The following UGGT1 variants were observed in gnomAD, a reference collection of about 807,000 sequenced individuals.
UGGT1 encodes the protein UDP-glucose glycoprotein glucosyltransferase 1.
Under a neutral mutation model 203.9 loss-of-function variants are expected in UGGT1, and 107 were observed. The ratio of observed to expected loss-of-function variants is 0.52; its 90% CI spans 0.45 to 0.62. The LOEUF is 0.62. Among genes scored for constraint, UGGT1 ranks in the 20% least tolerant of loss-of-function variants. UGGT1 has a pLI of 0.00. For missense variants in UGGT1, 1,673 were observed against 1,867.2 expected, an observed-to-expected ratio of 0.90 and a Z score of 1.92; for synonymous variants, 628 against 653.5, an observed-to-expected ratio of 0.96 and a Z score of 0.59.
chr2:128,145,268 A>G (rs1376155449), intron 17 of UGGT1, among the ~76,000 whole-genome samples: 1 of 152,182 alleles, frequency 6.6e-6, no homozygotes, highest in Admixed American at 6.6e-5. Context: ...TCATTTTGGC[A>G]GCCCATGGTC....
chr2:128,155,700 C>T (rs1271190375), intron 20 of UGGT1, 113 bp downstream of exon 20: 2 of 729,796 alleles, frequency 2.7e-6, no homozygotes, highest in Non-Finnish European at 4.3e-6. Context: ...CATAATTTTT[C>T]TTATTTCTTA....
chr2:128,155,677 G>T, intron 20 of UGGT1, 90 bp downstream of exon 20: 2 of 967,824 alleles, frequency 2.1e-6, no homozygotes, highest in South Asian at 1.6e-5. Flanking sequence ...AGAGAGAAAA[G>T]GGAAAGAGAC....
At position 128,193,205 on chromosome 2, in the gene UGGT1, TAAAAC is replaced by T. The variant is rs1371119613; in HGVS notation, c.*3465_*3469del. On this transcript the variant is annotated 3_prime_UTR_variant, in exon 41 of 41. Coordinates refer to ENST00000259253, the MANE Select transcript of UGGT1 (RefSeq NM_020120.4). ...AAAAAAAAAAAAAAAAAAAAAAAAT[TAAAAC>T]AGTTTCCATAAATGGAGCTTAATTT... is the stretch of plus-strand genomic sequence containing the variant. The T allele has an allele frequency of 7.5e-6, 1 of 133,012 alleles. No homozygotes were observed. Among genetic ancestry groups the T allele is most frequent in the Non-Finnish European group, 1.6e-5 (1 of 61,916 alleles). The allele number at this position is 133,012 out of a possible 1,614,324, so 8.2% of individuals were successfully genotyped here. A position where few individuals can be genotyped will look rare whatever the true frequency, so the allele number is the denominator to read the frequency against.
intron 14 of UGGT1, 58 bp downstream of exon 14, chr2:128,133,318 T>A (rs1305213032): frequency 1.3e-6 from 2 of 1,592,596 alleles, no homozygotes; most frequent in Admixed American, 3.4e-5. Flanking sequence ...TAGTCCCTCT[T>A]TTTTTGTCAT....
chr2:128,145,571 T>G, intron 17 of UGGT1: 1 of 430,476 alleles, frequency 2.3e-6, no homozygotes, highest in Non-Finnish European at 4.1e-6. Context: ...TTTGCAAGCT[T>G]TTGTGGTCTT....
chr2:128,164,158 TCAAA>T (rs909527083), intron 25 of UGGT1, among the ~76,000 whole-genome samples: 163 of 152,208 alleles, frequency 1.1e-3, no homozygotes, highest in Middle Eastern at 3.4e-3. Context: ...AGACCCTGAC[TCAAA>T]CAAACAAACA....
intron 10 of UGGT1, among the ~76,000 whole-genome samples, chr2:128,122,983 A>G (rs1688451211): frequency 6.6e-6 from 1 of 152,236 alleles, no homozygotes; most frequent in African/African-American, 2.4e-5. Context: ...TATAGCTGCT[A>G]CATTTCTTTG....
rs190819021 is a variant in UGGT1 at position 128,178,460 on chromosome 2, T to G, written c.3714-8T>G. On this transcript the variant is annotated splice_region_variant and splice_polypyrimidine_tract_variant and intron_variant, in intron 33 of 40. Coordinates refer to ENST00000259253, the MANE Select transcript of UGGT1 (RefSeq NM_020120.4). ...CAAGTGGTCTTTTTTTTACCCTTAT[T>G]GTTATAGGGGCTTTACAGGACAGAA... is the stretch of plus-strand genomic sequence containing the variant. 3.2e-5 allele frequency: 52 copies of G among 1,604,134 alleles called. No individual in the cohort carries two copies. The East Asian group carries it at 1.1e-3, about 33-fold the overall frequency.
At chr2:128,110,704 A>T (rs1687807715) in intron 5 of UGGT1, among the ~76,000 whole-genome samples, 1 of 152,176 alleles carries the variant, frequency 6.6e-6, no homozygotes, top group South Asian at 2.1e-4. Flanking sequence ...ATATACCTTC[A>T]GACTTTTTTC....
In UGGT1 at chr2:128,186,663, ATTTTTT is replaced by A. The variant is rs199986756; in HGVS notation, c.4360-16_4360-11del. On this transcript the variant is annotated splice_polypyrimidine_tract_variant and intron_variant, in intron 38 of 40. Coordinates refer to ENST00000259253, the MANE Select transcript of UGGT1 (RefSeq NM_020120.4). ...CTTTAGATACATGTATTTTATTTTT[ATTTTTT>A]TTTAACCAAACAGGATCTGCCCAAT... The A allele has an allele frequency of 1.9e-5, 29 of 1,524,666 alleles. No individual in the cohort carries two copies. Among genetic ancestry groups the A allele is most frequent in the Non-Finnish European group, 2.6e-5 (29 of 1,116,856 alleles). The allele number at this position is 1,524,666 out of a possible 1,614,324, so 94.4% of individuals were successfully genotyped here.
At chr2:128,098,334 A>G (rs1687208462) in intron 2 of UGGT1, among the ~76,000 whole-genome samples, 1 of 152,228 alleles carries the variant, frequency 6.6e-6, no homozygotes, top group Non-Finnish European at 1.5e-5. Flanking sequence ...TGGGTGGACA[A>G]GGTGGGTGGA....
At chr2:128,116,715 G>A (rs1688120571) in intron 8 of UGGT1, among the ~76,000 whole-genome samples, 2 of 152,034 alleles carry the variant, frequency 1.3e-5, no homozygotes, top group East Asian at 1.9e-4. Context: ...AGCAGAGATG[G>A]TGTTTCGCCA....
intron 36 of UGGT1, among the ~76,000 whole-genome samples, chr2:128,181,653 G>C (rs1025620498): frequency 4.6e-5 from 7 of 152,218 alleles, no homozygotes; most frequent in African/African-American, 1.4e-4. Flanking sequence ...CACTGGGACA[G>C]AGACTTCACT....
chr2:128,115,059 T>C, intron 6 of UGGT1, 65 bp from the exon 7 acceptor site: 1 of 1,414,132 alleles, frequency 7.1e-7, no homozygotes, highest in Middle Eastern at 1.8e-4. Flanking sequence ...AACATGGTCA[T>C]GCCATGTACA....
chr2:128,161,824 T>A (rs1433025166), intron 25 of UGGT1, among the ~76,000 whole-genome samples: 1 of 152,230 alleles, frequency 6.6e-6, no homozygotes, highest in Non-Finnish European at 1.5e-5. Flanking sequence ...ATTGTTTGGA[T>A]GGACCCTGGA....
At position 128,192,230 on chromosome 2, in the gene UGGT1, C is replaced by T. The variant is rs1006059587; in HGVS notation, c.*2488C>T. The T allele has an allele frequency of 2.0e-5, 3 of 150,760 alleles. No homozygotes were observed. Among genetic ancestry groups the T allele is most frequent in the Non-Finnish European group, 2.9e-5 (2 of 67,888 alleles). The allele number at this position is 150,760 out of a possible 1,614,324, so 9.3% of individuals were successfully genotyped here. A position where few individuals can be genotyped will look rare whatever the true frequency, so the allele number is the denominator to read the frequency against. On this transcript the variant is annotated 3_prime_UTR_variant, in exon 41 of 41. Transcript: ENST00000259253. The stretch of plus-strand genomic sequence containing the variant: ...TCTGAATAATGCAAAACCCAGCTTG[C>T]TTCCAGAATGGCCTAGGACCCTCCT...
chr2:128,094,106 A>G (rs938029431), intron 1 of UGGT1, among the ~76,000 whole-genome samples: 2 of 152,142 alleles, frequency 1.3e-5, no homozygotes, highest in Admixed American at 6.5e-5. Context: ...GTGGCGTCCA[A>G]TTCGTCATCA....
Position 128,177,828 on chromosome 2 carries a change from G to T in UGGT1, c.3625-4G>T, listed in dbSNP as rs1405769051. ...GGAGTAAGGTTTATCACATTTGATT[G>T]CAGGTTCAGAAGAAGGCAGATATGG... On this transcript the variant is annotated splice_region_variant and splice_polypyrimidine_tract_variant and intron_variant, in intron 32 of 40. Transcript: ENST00000259253. 1 of 1,595,606 alleles carries T rather than the reference G, an allele frequency of 6.3e-7. No individual in the cohort carries two copies. The highest frequency in any genetic ancestry group is 8.5e-7 in the Non-Finnish European group (1 of 1,171,766).
At position 128,113,112 on chromosome 2, in the gene UGGT1, C is replaced by T. The variant is rs1293421298; in HGVS notation, c.550C>T (p.His184Tyr). 1.1e-5 allele frequency: 18 copies of T among 1,600,280 alleles called. No individual in the cohort carries two copies. In the Admixed American group the frequency reaches 3.1e-4, roughly 28 times the overall value. Residue 184 changes from histidine (H) to tyrosine (Y), a missense_variant, in exon 6 of 41, where the codon CAC becomes TAC. Transcript: ENST00000259253. ...RPKPLLFKGD[H>Y]RYPSSNPESP... is the part of the protein sequence containing the mutation. ...CAAACCTTTATTGTTCAAAGGAGAT[C>T]ACAGATATCCCTCGTCTAATCCTGA...
Sources: allele counts gnomAD v4.1 joint callset (sites outside exome capture counted in the v4.1 genomes callset), GRCh38; gene constraint gnomAD v4.1.1; transcripts MANE v1.5; gene names NCBI Gene and HGNC (gene_info 2026-07-23, HGNC 2026-07-21).